The following SRSF4 variants were observed in gnomAD, a reference collection of about 807,000 sequenced individuals.
SRSF4 encodes the protein serine and arginine rich splicing factor 4, also known as serine/arginine-rich splicing factor 4.
SRSF4 carries 12 observed loss-of-function variants against 48.8 expected under a neutral mutation model. The observed-to-expected ratio is 0.25, with a 90% CI of 0.16 to 0.40. The LOEUF (loss-of-function observed/expected upper bound fraction) is 0.40, where lower values mean the gene tolerates loss of function less well. Among genes scored for constraint, SRSF4 ranks in the 10% least tolerant of loss-of-function variants. The probability of loss-of-function intolerance (pLI) is 1.00; values close to 1 mark genes in which losing one functional copy is unlikely to be tolerated. For missense variants in SRSF4, 466 were observed against 667.1 expected, an observed-to-expected ratio of 0.70 and a Z score of 3.32; for synonymous variants, 248 against 232.5, an observed-to-expected ratio of 1.07 and a Z score of -0.61.
At chr1:29,167,866 A>G (rs1332003395) in intron 1 of SRSF4, among the ~76,000 whole-genome samples, 3 of 152,184 alleles carry the variant, frequency 2.0e-5, no homozygotes, top group Non-Finnish European at 4.4e-5. Flanking sequence ...AGAATGTATT[A>G]TTATTCTTCT....
Position 29,149,019 on chromosome 1 carries a change from G to A in SRSF4, c.876C>T (p.Ser292=). 1 of 1,613,476 alleles carries A rather than the reference G, an allele frequency of 6.2e-7. No homozygotes were observed. Among genetic ancestry groups the A allele is most frequent in the Non-Finnish European group, 8.5e-7 (1 of 1,179,960 alleles). Residue 292 remains serine (S), a synonymous_variant, in exon 6 of 6, where the codon AGC becomes AGT. Coordinates refer to ENST00000373795, the MANE Select transcript of SRSF4 (RefSeq NM_005626.5). ...GACTTTTGCTCTTACTTTTATGCCT[G>A]CTAGGACTCCGGCTCTTGGGTTTCC... ...NVGKPKSRSP[S]RHKSKSKSRS... is the part of the protein sequence containing the mutation.
At chr1:29,175,429 C>T (rs1672825257) in intron 1 of SRSF4, among the ~76,000 whole-genome samples, 1 of 151,386 alleles carries the variant, frequency 6.6e-6, no homozygotes, top group Admixed American at 6.6e-5. Context: ...GGCGTGGTGG[C>T]TCACGCCTGT....
chr1:29,178,602 C>T (rs1023535350), intron 1 of SRSF4, among the ~76,000 whole-genome samples: 1 of 151,798 alleles, frequency 6.6e-6, no homozygotes, highest in East Asian at 2.0e-4. Flanking sequence ...GTCATCTGCC[C>T]GCCTCGGCCT....
At chr1:29,177,304 G>A (rs1341928785) in intron 1 of SRSF4, among the ~76,000 whole-genome samples, 6 of 140,372 alleles carry the variant, frequency 4.3e-5, no homozygotes, top group Non-Finnish European at 9.2e-5. Flanking sequence ...TTTTTGAGAC[G>A]AAGTTTTGCT....
At position 29,170,334 on chromosome 1, in the gene SRSF4, T is replaced by C. The variant is rs545829445; in HGVS notation, c.108-9817A>G. 3.3e-5 allele frequency: 5 copies of C among 152,316 alleles called. 1 individual carries two copies. The South Asian group carries it at 1.0e-3, about 32-fold the overall frequency. 9.4% of individuals were successfully genotyped at this position (152,316 alleles called of 1,614,324 possible). A position where few individuals can be genotyped will look rare whatever the true frequency, so the allele number is the denominator to read the frequency against. ...AATATAGAATTACTTTATCTGTTAT[T>C]CCTACTTAAAGAAATAAAGGTTTAC... On this transcript the variant is annotated intron_variant, in intron 1 of 5. Coordinates refer to ENST00000373795, the MANE Select transcript of SRSF4 (RefSeq NM_005626.5).
rs568089573 is a variant in SRSF4, at chr1:29,160,122, AAAC to A, written c.250+250_250+252del. ...TTAAACAATTGCATTACAGAGAAAA[AAAC>A]AACAACAACACAAACACACATCATT... On this transcript the variant is annotated intron_variant, in intron 2 of 5. Transcript: ENST00000373795. 5.7e-4 allele frequency: 223 copies of A among 390,264 alleles called. 1 individual carries two copies. Among genetic ancestry groups the A allele is most frequent in the Middle Eastern group, 5.0e-3 (7 of 1,394 alleles). The allele number at this position is 390,264 out of a possible 1,614,324, so 24.2% of individuals were successfully genotyped here. A position where few individuals can be genotyped will look rare whatever the true frequency, so the allele number is the denominator to read the frequency against.
Position 29,148,468 on chromosome 1 carries a change from G to A in SRSF4, c.1427C>T (p.Ser476Phe), listed in dbSNP as rs1275883153. The A allele has an allele frequency of 3.7e-6, 6 of 1,613,628 alleles. No homozygotes were observed. Among genetic ancestry groups the A allele is most frequent in the Non-Finnish European group, 5.1e-6 (6 of 1,179,738 alleles). Residue 476 changes from serine to phenylalanine, a missense_variant, in exon 6 of 6, where the codon TCC becomes TTC. By Grantham distance (155) the Ser-to-Phe change is radical (BLOSUM62 -2). Coordinates refer to ENST00000373795, the MANE Select transcript of SRSF4 (RefSeq NM_005626.5). Reference sequence around the variant, plus strand: ...GGAGGGCGATCTGGAAGCAGACCTGGATCTAGACTTGGACCGAGATCGGGT... The same window carrying A: ...GGAGGGCGATCTGGAAGCAGACCTGAATCTAGACTTGGACCGAGATCGGGT... ...SKTRSRSKSR[S>F]RSASRSPSRS... is the part of the protein sequence containing the mutation.
intron 1 of SRSF4, among the ~76,000 whole-genome samples, chr1:29,177,289 T>TG (rs1672884466): frequency 1.3e-5 from 2 of 151,718 alleles, no homozygotes; most frequent in Non-Finnish European, 2.9e-5. Context: ...TTTTGTTTTT[T>TG]TTTTTTTTTG....
chr1:29,181,508 G>C (rs1204729879), intron 1 of SRSF4, 138 bp downstream of exon 1: 3 of 686,592 alleles, frequency 4.4e-6, no homozygotes, highest in Non-Finnish European at 6.7e-6. Flanking sequence ...CGCCCCCGAG[G>C]CGCCGCCACT....
chr1:29,181,323 C>G (rs1180232574), intron 1 of SRSF4, among the ~76,000 whole-genome samples: 1 of 152,246 alleles, frequency 6.6e-6, no homozygotes, highest in Non-Finnish European at 1.5e-5. Flanking sequence ...AGTTCCGGGC[C>G]TAGGAAGGGA....
At chr1:29,167,197 CTA>C (rs1245881084) in intron 1 of SRSF4, among the ~76,000 whole-genome samples, 1 of 152,210 alleles carries the variant, frequency 6.6e-6, no homozygotes, top group Non-Finnish European at 1.5e-5. Context: ...GTTTAGAAGT[CTA>C]TAACGACTCC....
At chr1:29,174,511 T>G (rs1030098417) in intron 1 of SRSF4, among the ~76,000 whole-genome samples, 1 of 152,090 alleles carries the variant, frequency 6.6e-6, no homozygotes, top group African/African-American at 2.4e-5. Context: ...ATGTAGCCAT[T>G]AGAAACCAGG....
chr1:29,167,279 T>C (rs1672681669), intron 1 of SRSF4, among the ~76,000 whole-genome samples: 1 of 152,282 alleles, frequency 6.6e-6, no homozygotes, highest in Non-Finnish European at 1.5e-5. Context: ...ATCAATCTTC[T>C]TCCATATGCT....
At chr1:29,161,532 C>G (rs1252689322) in intron 1 of SRSF4, among the ~76,000 whole-genome samples, 1 of 152,238 alleles carries the variant, frequency 6.6e-6, no homozygotes, top group African/African-American at 2.4e-5. Flanking sequence ...ACACTACAAA[C>G]AAGTTACAAG....
intron 1 of SRSF4, among the ~76,000 whole-genome samples, chr1:29,175,340 G>C (rs1356271516): frequency 6.6e-6 from 1 of 151,650 alleles, no homozygotes; most frequent in Non-Finnish European, 1.5e-5. Context: ...TTGTACCTGG[G>C]AGGTGAGCCA....
rs1672385600 is a variant in SRSF4, at chr1:29,150,140, T to C, written c.631A>G (p.Ser211Gly). The C allele has an allele frequency of 6.2e-7, 1 of 1,614,098 alleles. No homozygotes were observed. Among genetic ancestry groups the C allele is most frequent in the Non-Finnish European group, 8.5e-7 (1 of 1,180,002 alleles). Residue 211 changes from serine to glycine, a missense_variant, in exon 5 of 6, where the codon AGC becomes GGC. By Grantham distance (56) the Ser-to-Gly change is moderately conservative. Transcript: ENST00000373795. ...SRKSRSRSGSSKSSHSKSRSR... is the reference protein window; with the variant it reads ...SRKSRSRSGSGKSSHSKSRSR... ...CTACTCTTAGAATGACTGCTTTTGC[T>C]GCTGCCACTTCGGCTTCTGCTCTTA...
chr1:29,167,420 T>C (rs993691051), intron 1 of SRSF4, among the ~76,000 whole-genome samples: 1 of 152,256 alleles, frequency 6.6e-6, no homozygotes, highest in Non-Finnish European at 1.5e-5. Context: ...AGTCTCGCTC[T>C]GTTGCCCAGG....
intron 1 of SRSF4, among the ~76,000 whole-genome samples, chr1:29,174,998 A>G (rs1035864387): frequency 1.3e-5 from 2 of 150,980 alleles, no homozygotes; most frequent in African/African-American, 4.9e-5. Flanking sequence ...AAAAAAAAAA[A>G]AAAGAAAAGA....
At chr1:29,164,188 C>G (rs995696866) in intron 1 of SRSF4, among the ~76,000 whole-genome samples, 3 of 152,160 alleles carry the variant, frequency 2.0e-5, no homozygotes, top group Non-Finnish European at 4.4e-5. Flanking sequence ...ATTTGACATG[C>G]CTGCACTAGG....
Sources: gnomAD v4.1 joint callset for allele counts (sites outside exome capture counted in the v4.1 genomes callset) on GRCh38, gnomAD v4.1.1 for gene constraint, MANE v1.5 for transcripts, NCBI Gene and HGNC (gene_info 2026-07-23, HGNC 2026-07-21) for gene names.